Variants in TAF3 observed in about 807,000 individuals in gnomAD.
The protein encoded by TAF3 is TATA-box binding protein associated factor 3, also known as transcription initiation factor TFIID subunit 3.
TAF3 carries 7 observed loss-of-function variants against 80.6 expected under a neutral mutation model. The observed-to-expected ratio is 0.09, with a 90% confidence interval of 0.05 to 0.16. The LOEUF is 0.16. Ranked by LOEUF, TAF3 falls within the 10% of genes least tolerant of loss-of-function variation. The pLI, the probability that TAF3 is intolerant of heterozygous loss-of-function variation, is 1.00. For synonymous variants in TAF3, 444 were observed against 446.1 expected, an observed-to-expected ratio of 1.00 and a Z score of 0.06; for missense variants, 921 against 1,140.2, an observed-to-expected ratio of 0.81 and a Z score of 2.77.
chr10:7,904,626 G>C (rs1224520540), intron 2 of TAF3, among the ~76,000 whole-genome samples: 2 of 152,332 alleles, frequency 1.3e-5, no homozygotes, highest in Non-Finnish European at 2.9e-5. Context: ...GTAGATAGTA[G>C]TGAAGGGGAA....
rs749756102 is a variant in TAF3, at chr10:8,009,251, C to A, written c.2489C>A (p.Ser830Tyr). The A allele has an allele frequency of 4.6e-5, 71 of 1,530,466 alleles. No homozygotes were observed. The Admixed American group carries it at 1.4e-3, about 30-fold the overall frequency. The allele number at this position is 1,530,466 out of a possible 1,614,324, so 94.8% of individuals were successfully genotyped here. ...GCCGCGGGCCCTGCCCTGCTGCCCT[C>A]CCCGGGTCCCGCCGCCTCCGGGGCC... is the stretch of plus-strand genomic sequence containing the variant. ...QAAAGPALLP[S>Y]PGPAASGASA... Residue 830 changes from serine to tyrosine, a missense_variant, in exon 5 of 7, where the codon TCC becomes TAC. Ser to Tyr is a moderately radical substitution (Grantham distance 144, BLOSUM62 -2). Transcript: ENST00000344293. The surrounding 1 kb of genome is among the most constrained non-coding windows in gnomAD (Gnocchi z 4.1).
chr10:7,833,100 T>C (rs1836818349), intron 2 of TAF3, among the ~76,000 whole-genome samples: 1 of 152,246 alleles, frequency 6.6e-6, no homozygotes, highest in Non-Finnish European at 1.5e-5. Flanking sequence ...CTTTATCCAC[T>C]CATCTGTTAA....
At chr10:7,976,742 C>T (rs1460292296) in intron 3 of TAF3, among the ~76,000 whole-genome samples, 1 of 151,982 alleles carries the variant, frequency 6.6e-6, no homozygotes, top group Non-Finnish European at 1.5e-5. Context: ...TTGTTTTACC[C>T]CTAGCCAAAA....
intron 2 of TAF3, among the ~76,000 whole-genome samples, chr10:7,871,044 T>C (rs1485889150): frequency 3.3e-5 from 5 of 152,288 alleles, no homozygotes; most frequent in African/African-American, 1.2e-4. Flanking sequence ...AGTCTAGACA[T>C]AACAGTTTAT....
chr10:7,974,872 G>A (rs1050084496), intron 3 of TAF3, among the ~76,000 whole-genome samples: 9 of 151,920 alleles, frequency 5.9e-5, no homozygotes, highest in African/African-American at 2.2e-4. Flanking sequence ...TCAGGAGATC[G>A]AGACCACCCT....
At chr10:7,835,632 G>T (rs1836844313) in intron 2 of TAF3, among the ~76,000 whole-genome samples, 1 of 152,102 alleles carries the variant, frequency 6.6e-6, no homozygotes, top group Non-Finnish European at 1.5e-5. Flanking sequence ...ATCTCACTCA[G>T]CCCCTTGTAC....
At chr10:7,945,540 C>T (rs1164635704) in intron 2 of TAF3, among the ~76,000 whole-genome samples, 2 of 152,160 alleles carry the variant, frequency 1.3e-5, no homozygotes, top group African/African-American at 4.8e-5. Flanking sequence ...TGGCCGCAGA[C>T]ACTCTCTAGA....
At chr10:7,960,163 TGAAATTTA>T (rs1838175777) in intron 2 of TAF3, among the ~76,000 whole-genome samples, 2 of 152,212 alleles carry the variant, frequency 1.3e-5, no homozygotes, top group South Asian at 4.1e-4. Context: ...GGAGGTTCTT[TGAAATTTA>T]GAAATGTAAT....
At chr10:7,888,699 A>G (rs978455517) in intron 2 of TAF3, among the ~76,000 whole-genome samples, 1 of 152,232 alleles carries the variant, frequency 6.6e-6, no homozygotes, top group Non-Finnish European at 1.5e-5. Context: ...TTGGTCGAAT[A>G]TACTATACTA....
At chr10:7,975,157 A>G in intron 3 of TAF3, 1 of 243,042 alleles carries the variant, frequency 4.1e-6, no homozygotes, top group Non-Finnish European at 8.3e-6. Flanking sequence ...CAGATGATAG[A>G]GAAAGCTTCT....
chr10:8,013,954 A>G, intron 6 of TAF3, 117 bp downstream of exon 6: 1 of 812,800 alleles, frequency 1.2e-6, no homozygotes, highest in South Asian at 1.5e-5. Flanking sequence ...TGTCCTAGGG[A>G]CAGTACATGG....
chr10:7,993,612 C>T (rs949503767), intron 4 of TAF3, among the ~76,000 whole-genome samples: 1 of 152,176 alleles, frequency 6.6e-6, no homozygotes, highest in Non-Finnish European at 1.5e-5. Flanking sequence ...CTGTAACTGG[C>T]ATTTAGTCCT....
At chr10:7,988,623 C>CACCT (rs1308717877) in intron 4 of TAF3, among the ~76,000 whole-genome samples, 1 of 132,884 alleles carries the variant, frequency 7.5e-6, no homozygotes, top group Non-Finnish European at 1.6e-5. Flanking sequence ...TAATGGTGTG[C>CACCT]ACCTGTAGTC....
At chr10:7,916,810 A>C (rs780944359) in intron 2 of TAF3, among the ~76,000 whole-genome samples, 48 of 152,160 alleles carry the variant, frequency 3.2e-4, no homozygotes, top group South Asian at 8.3e-4. Flanking sequence ...TTCTTCTTTC[A>C]ACAATGGTGC....
At chr10:7,907,697 A>G (rs1837618924) in intron 2 of TAF3, among the ~76,000 whole-genome samples, 1 of 152,198 alleles carries the variant, frequency 6.6e-6, no homozygotes, top group Non-Finnish European at 1.5e-5. Flanking sequence ...TAATACATGC[A>G]TCTCCCAGGT....
chr10:7,841,485 T>C (rs1836911824), intron 2 of TAF3, among the ~76,000 whole-genome samples: 1 of 152,198 alleles, frequency 6.6e-6, no homozygotes, highest in African/African-American at 2.4e-5. Context: ...ACATCAGAGG[T>C]CTCTAACCTA....
At chr10:7,971,378 A>C (rs763939099) in intron 3 of TAF3, among the ~76,000 whole-genome samples, 9 of 151,904 alleles carry the variant, frequency 5.9e-5, no homozygotes, top group African/African-American at 2.2e-4. Context: ...TTTTTCTAAC[A>C]TACCGGCATA....
chr10:7,933,404 G>A lies in TAF3; in HGVS notation c.410-30516G>A, dbSNP rs1271631630. On this transcript the variant is annotated intron_variant, in intron 2 of 6. Transcript: ENST00000344293. ...CTGAGGAAGGGAAATATCCAGTGTGGAGCCAAAGGCTGCACGACGAGCTCT... is the reference window on the plus strand; with the variant it reads ...CTGAGGAAGGGAAATATCCAGTGTGAAGCCAAAGGCTGCACGACGAGCTCT... Among the ~76,000 whole-genome samples the A allele has an allele frequency of 2.0e-5, 3 of 152,180 alleles. No individual in the cohort carries two copies. In the East Asian group the frequency reaches 5.8e-4, roughly 29 times the overall value.
At chr10:7,856,972 A>G (rs919572519) in intron 2 of TAF3, among the ~76,000 whole-genome samples, 2 of 152,088 alleles carry the variant, frequency 1.3e-5, no homozygotes, top group Non-Finnish European at 1.5e-5. Flanking sequence ...ATATCCTTGT[A>G]GTAAATTCCA....
Sources: gnomAD v4.1 joint callset for allele counts (sites outside exome capture counted in the v4.1 genomes callset) on GRCh38, gnomAD v4.1.1 for gene constraint, Gnocchi (gnomAD v3.1) non-coding constraint, MANE v1.5 for transcripts, NCBI Gene and HGNC (gene_info 2026-07-23, HGNC 2026-07-21) for gene names.